The following CDC14A variants were observed in gnomAD, a reference collection of about 807,000 sequenced individuals.
CDC14A encodes the protein cell division cycle 14A.
A neutral mutation model predicts 74.4 loss-of-function variants in CDC14A; 53 were observed. That is an observed-to-expected ratio of 0.71 (90% CI 0.57 to 0.89). The LOEUF is 0.89. Among genes scored for constraint, CDC14A ranks in the 40% least tolerant of loss-of-function variants. The pLI, the probability that CDC14A is intolerant of heterozygous loss-of-function variation, is 0.00. For missense variants in CDC14A, 646 were observed against 713.7 expected, an observed-to-expected ratio of 0.91 and a Z score of 1.08; for synonymous variants, 247 against 258.4, an observed-to-expected ratio of 0.96 and a Z score of 0.43.
chr1:100,443,803 G>T (rs560298741), intron 7 of CDC14A, among the ~76,000 whole-genome samples: 1 of 152,048 alleles, frequency 6.6e-6, no homozygotes, highest in Non-Finnish European at 1.5e-5. Context: ...GCTGGTTTGC[G>T]CTGTAAGGAG....
intron 3 of CDC14A, among the ~76,000 whole-genome samples, chr1:100,381,506 G>A (rs969299284): frequency 1.3e-5 from 2 of 152,088 alleles, no homozygotes; most frequent in Admixed American, 1.3e-4. Flanking sequence ...AAGCTTGTGT[G>A]ATTTTTCTTC....
At chr1:100,388,958 T>C (rs1657256970) in intron 3 of CDC14A, among the ~76,000 whole-genome samples, 1 of 152,084 alleles carries the variant, frequency 6.6e-6, no homozygotes, top group African/African-American at 2.4e-5. Context: ...GTGGATCACT[T>C]AAGCCCAGGA....
chr1:100,465,949 A>T (rs1004986583), intron 9 of CDC14A, among the ~76,000 whole-genome samples: 3 of 152,214 alleles, frequency 2.0e-5, no homozygotes, highest in Non-Finnish European at 4.4e-5. Flanking sequence ...CAAATGCTTA[A>T]AAAATTTTGT....
chr1:100,401,589 A>G (rs904842455), intron 4 of CDC14A, among the ~76,000 whole-genome samples: 1 of 152,242 alleles, frequency 6.6e-6, no homozygotes, highest in Non-Finnish European at 1.5e-5. Context: ...TTTGAAATTA[A>G]TATTGTGGAT....
Position 100,499,217 on chromosome 1 carries a change from C to G in CDC14A, c.1710C>G (p.Thr570=), listed in dbSNP as rs758911240. 3 of 1,614,076 alleles carry G rather than the reference C, an allele frequency of 1.9e-6. No individual in the cohort carries two copies. Among genetic ancestry groups the G allele is most frequent in the African/African-American group, 1.3e-5 (1 of 74,928 alleles). The stretch of plus-strand genomic sequence containing the variant: ...CCACCATCCTCCGACCCTCCTACAC[C>G]GGGCTTTCTTCTTCTTCAGCGAGAT... ...EHTTILRPSY[T]GLSSSSARFL... is the part of the protein sequence containing the mutation. The change falls in exon 15 of 16, where the codon ACC becomes ACG. Residue 570 remains threonine, a synonymous_variant. Transcript: ENST00000336454.
intron 12 of CDC14A, among the ~76,000 whole-genome samples, chr1:100,495,635 A>G (rs1463912431): frequency 2.0e-5 from 3 of 152,354 alleles, no homozygotes; most frequent in African/African-American, 7.2e-5. Flanking sequence ...ACTTATAAAT[A>G]AGAGATACAC....
intron 2 of CDC14A, among the ~76,000 whole-genome samples, chr1:100,358,696 A>G (rs1652259002): frequency 6.6e-6 from 1 of 152,256 alleles, no homozygotes; most frequent in South Asian, 2.1e-4. Context: ...TTCAATTTTC[A>G]TTTAAACTTA....
intron 7 of CDC14A, among the ~76,000 whole-genome samples, chr1:100,454,029 A>T: frequency 6.6e-6 from 1 of 152,344 alleles, no homozygotes; most frequent in Non-Finnish European, 1.5e-5. Context: ...ACTTTTTATA[A>T]CTGGGAAAAA....
intron 3 of CDC14A, among the ~76,000 whole-genome samples, chr1:100,378,316 C>A (rs868066916): frequency 3.2e-4 from 49 of 152,114 alleles, no homozygotes; most frequent in African/African-American, 1.1e-3. Context: ...ACACAGAAAG[C>A]AATATTTATC....
rs1655491859 is a variant in CDC14A, at chr1:100,377,766, A to G, written c.216+145A>G. On this transcript the variant is annotated intron_variant, in intron 3 of 15. Transcript: ENST00000336454. ...GTGAGTAGTTCACCTAGAGTTTGAA[A>G]GTGATCCTCCTGATTATACCACAAA... 6.7e-6 allele frequency: 4 copies of G among 599,090 alleles called. No individual in the cohort carries two copies. The South Asian group carries it at 8.7e-5, about 13-fold the overall frequency. 37.1% of individuals were successfully genotyped at this position (599,090 alleles called of 1,614,324 possible). A position where few individuals can be genotyped will look rare whatever the true frequency, so the allele number is the denominator to read the frequency against.
At chr1:100,380,406 A>G (rs1193360454) in intron 3 of CDC14A, among the ~76,000 whole-genome samples, 1 of 152,116 alleles carries the variant, frequency 6.6e-6, no homozygotes, top group Non-Finnish European at 1.5e-5. Flanking sequence ...GTTCACTCTT[A>G]GCATTGCCCC....
chr1:100,371,042 T>C (rs1654408059), intron 2 of CDC14A, among the ~76,000 whole-genome samples: 1 of 152,208 alleles, frequency 6.6e-6, no homozygotes, highest in African/African-American at 2.4e-5. Flanking sequence ...TATTCCTAGG[T>C]ATTTTAGTTC....
At chr1:100,389,180 C>CAAAA (rs1196346245) in intron 3 of CDC14A, among the ~76,000 whole-genome samples, 2 of 52,236 alleles carry the variant, frequency 3.8e-5, no homozygotes, top group Admixed American at 2.4e-4. Context: ...GACCCTGTCT[C>CAAAA]AAAAAAAAAA....
chr1:100,358,336 GT>G (rs1351596536), intron 2 of CDC14A, among the ~76,000 whole-genome samples: 1 of 152,208 alleles, frequency 6.6e-6, no homozygotes, highest in African/African-American at 2.4e-5. Context: ...TGGCTAAAAA[GT>G]TAGTGAAATG....
intron 9 of CDC14A, among the ~76,000 whole-genome samples, chr1:100,464,716 A>G (rs1667626686): frequency 6.6e-6 from 1 of 152,142 alleles, no homozygotes; most frequent in South Asian, 2.1e-4. Context: ...GGATTGACAC[A>G]TTCAAAGGAG....
At chr1:100,379,526 T>C (rs186016323) in intron 3 of CDC14A, among the ~76,000 whole-genome samples, 62 of 152,364 alleles carry the variant, frequency 4.1e-4, no homozygotes, top group Non-Finnish European at 2.2e-4. Flanking sequence ...AGAAAAAGAT[T>C]TACTGTACCA....
At chr1:100,459,836 T>C (rs542943524) in intron 8 of CDC14A, among the ~76,000 whole-genome samples, 4 of 152,340 alleles carry the variant, frequency 2.6e-5, no homozygotes, top group Non-Finnish European at 5.9e-5. Flanking sequence ...CCACAAACAG[T>C]TGTTCACAGG....
chr1:100,413,450 A>G (rs1448713112), intron 4 of CDC14A, among the ~76,000 whole-genome samples: 1 of 152,242 alleles, frequency 6.6e-6, no homozygotes, highest in Non-Finnish European at 1.5e-5. Flanking sequence ...TAAAATGACT[A>G]TATATGAAAA....
At position 100,462,901 on chromosome 1, in the gene CDC14A, G is replaced by A. The variant is rs775604630; in HGVS notation, c.838+20G>A. On this transcript the variant is annotated intron_variant, in intron 9 of 15. Coordinates refer to ENST00000336454, the MANE Select transcript of CDC14A (RefSeq NM_003672.4). ...GCAAAGGTGTGTGCAAGGCCTCGGT[G>A]GTGGTGGCTGTGCTTATCGAAGGGG... 1 of 1,584,314 alleles carries A rather than the reference G, an allele frequency of 6.3e-7. No individual in the cohort carries two copies. The highest frequency in any genetic ancestry group is 1.7e-5 in the Admixed American group (1 of 59,876).
Sources: gnomAD v4.1 joint callset for allele counts (sites outside exome capture counted in the v4.1 genomes callset) on GRCh38, gnomAD v4.1.1 for gene constraint, MANE v1.5 for transcripts, NCBI Gene and HGNC (gene_info 2026-07-23, HGNC 2026-07-21) for gene names.